Variants in FRAS1 observed in about 807,000 individuals in gnomAD.
The protein encoded by FRAS1 is Fraser extracellular matrix complex subunit 1, also known as extracellular matrix organizing protein FRAS1.
In FRAS1, 290 loss-of-function variants were observed where a neutral mutation model predicts 435.2. The ratio of observed to expected loss-of-function variants is 0.67; its 90% CI spans 0.61 to 0.73. The LOEUF (loss-of-function observed/expected upper bound fraction) is 0.73. FRAS1 is among the 30% of genes least tolerant of loss of function. The pLI is 0.00. For synonymous variants in FRAS1, 1,800 were observed against 1,851.0 expected, an observed-to-expected ratio of 0.97 and a Z score of 0.71; for missense variants, 4,860 against 5,001.5, an observed-to-expected ratio of 0.97 and a Z score of 0.85.
chr4:78,151,145 A>G (rs1395458675), intron 2 of FRAS1, among the ~76,000 whole-genome samples: 1 of 152,176 alleles, frequency 6.6e-6, no homozygotes, highest in African/African-American at 2.4e-5. Context: ...CTAAAGATAT[A>G]CCGTGCTCAC....
rs140035230 is a variant in FRAS1 at position 78,298,154 on chromosome 4, A to G, written c.1535-9912A>G. Among the ~76,000 whole-genome samples the G allele has an allele frequency of 2.4e-4, 36 of 148,466 alleles. 1 individual carries two copies. Among genetic ancestry groups the G allele is most frequent in the African/African-American group, 8.6e-4 (35 of 40,834 alleles). ...GTATATAACATATTATAAGGTGCAT[A>G]TATATATACCTTATATAAAATATAA... On this transcript the variant is annotated intron_variant, in intron 14 of 73. Coordinates refer to ENST00000512123, the MANE Select transcript of FRAS1 (RefSeq NM_025074.7).
At chr4:78,405,526 C>T (rs1733067484) in intron 30 of FRAS1, among the ~76,000 whole-genome samples, 1 of 152,106 alleles carries the variant, frequency 6.6e-6, no homozygotes, top group Admixed American at 6.5e-5. Context: ...TTTGGTATTT[C>T]ATTACCATCC....
intron 61 of FRAS1, among the ~76,000 whole-genome samples, chr4:78,504,694 C>A (rs1317149923): frequency 2.0e-5 from 3 of 152,162 alleles, no homozygotes; most frequent in African/African-American, 4.8e-5. Flanking sequence ...CAGTCTATGT[C>A]TTTTAATTGG....
intron 47 of FRAS1, among the ~76,000 whole-genome samples, chr4:78,453,263 C>T (rs1258128107): frequency 2.0e-5 from 3 of 152,130 alleles, no homozygotes; most frequent in Non-Finnish European, 4.4e-5. Flanking sequence ...AAAAAGGAGG[C>T]AGTGGCAGGG....
intron 2 of FRAS1, among the ~76,000 whole-genome samples, chr4:78,166,066 G>C (rs531712658): frequency 2.0e-5 from 3 of 152,152 alleles, no homozygotes; most frequent in East Asian, 3.9e-4. Flanking sequence ...AGTGCTTTCT[G>C]TTAAACCTGT....
rs1351058543 is a variant in FRAS1, at chr4:78,237,527, G to A, written c.126G>A (p.Lys42=). ...CTTTACAGGATGCCACAATTTGGAA[G>A]CCCGATTCATGCCAGAGCTGCCGTT... is the stretch of plus-strand genomic sequence containing the variant. ...DSLLADATIW[K]PDSCQSCRCH... The change falls in exon 3 of 74, where the codon AAG becomes AAA. Residue 42 remains lysine, a synonymous_variant. Transcript: ENST00000512123. 6.2e-6 allele frequency: 10 copies of A among 1,613,168 alleles called. No homozygotes were observed. Among genetic ancestry groups the A allele is most frequent in the Non-Finnish European group, 8.5e-6 (10 of 1,179,380 alleles).
At chr4:78,098,206 C>T (rs147137228) in intron 2 of FRAS1, among the ~76,000 whole-genome samples, 1 of 151,844 alleles carries the variant, frequency 6.6e-6, no homozygotes, top group African/African-American at 2.4e-5. Flanking sequence ...TCTCCTCCCA[C>T]TGTTTTCTTG....
At chr4:78,501,587 A>G (rs60438529) in intron 61 of FRAS1, among the ~76,000 whole-genome samples, 49,800 of 151,882 alleles carry the variant, frequency 0.33, 8,842 homozygotes, top group South Asian at 0.51. Flanking sequence ...CACCAACAGC[A>G]TAAAAGCGGT....
intron 2 of FRAS1, among the ~76,000 whole-genome samples, chr4:78,136,474 G>A (rs1205798641): frequency 1.3e-5 from 2 of 152,146 alleles, no homozygotes; most frequent in African/African-American, 2.4e-5. Context: ...AGGATCAACT[G>A]TATACTTTTT....
At chr4:78,503,393 C>T (rs1232170077) in intron 61 of FRAS1, among the ~76,000 whole-genome samples, 1 of 152,092 alleles carries the variant, frequency 6.6e-6, no homozygotes, top group Non-Finnish European at 1.5e-5. Flanking sequence ...ATTTCAGAGC[C>T]TGTTATTGGT....
chr4:78,482,300 C>A, intron 57 of FRAS1, 88 bp from the exon 58 acceptor site: 1 of 1,435,852 alleles, frequency 7.0e-7, no homozygotes, highest in Non-Finnish European at 9.7e-7. Flanking sequence ...CCACCAAAGA[C>A]AGGCAAGTTG....
At chr4:78,181,117 G>A in intron 2 of FRAS1, 1 of 1,571,492 alleles carries the variant, frequency 6.4e-7, no homozygotes, top group Non-Finnish European at 8.8e-7. Flanking sequence ...TTTGATTTAT[G>A]AAAACAAATC....
intron 2 of FRAS1, among the ~76,000 whole-genome samples, chr4:78,184,281 G>A (rs955401655): frequency 7.9e-5 from 12 of 152,346 alleles, no homozygotes; most frequent in Middle Eastern, 3.4e-3. Context: ...GGCTAAGCAA[G>A]TCTTTTACTG....
chr4:78,216,198 G>T (rs1723761004), intron 2 of FRAS1, among the ~76,000 whole-genome samples: 1 of 152,310 alleles, frequency 6.6e-6, no homozygotes, highest in East Asian at 1.9e-4. Flanking sequence ...ACAAAAAGTT[G>T]TTCTTTCCCA....
chr4:78,202,423 G>A (rs1383745814), intron 2 of FRAS1, among the ~76,000 whole-genome samples: 6 of 152,204 alleles, frequency 3.9e-5, no homozygotes, highest in African/African-American at 1.4e-4. Flanking sequence ...GGGTGCCATG[G>A]CTCATGCCTG....
At chr4:78,078,442 A>C (rs1740752605) in intron 2 of FRAS1, among the ~76,000 whole-genome samples, 1 of 152,198 alleles carries the variant, frequency 6.6e-6, no homozygotes, top group Non-Finnish European at 1.5e-5. Context: ...TAAGGATAAA[A>C]CCTTGGTAAG....
At chr4:78,476,982 T>C (rs1719870220) in intron 54 of FRAS1, among the ~76,000 whole-genome samples, 1 of 33,942 alleles carries the variant, frequency 2.9e-5, no homozygotes, top group African/African-American at 8.9e-5. Context: ...TTTAATTTCT[T>C]TCTTTTTAAA....
chr4:78,376,756 C>T (rs1156724620), intron 26 of FRAS1, among the ~76,000 whole-genome samples: 10 of 151,980 alleles, frequency 6.6e-5, no homozygotes, highest in South Asian at 2.1e-4. Context: ...ATTGGGAGGC[C>T]GAGGCAGGCA....
At chr4:78,179,226 C>T (rs1043819777) in intron 2 of FRAS1, among the ~76,000 whole-genome samples, 1 of 152,216 alleles carries the variant, frequency 6.6e-6, no homozygotes. Context: ...CCATTGTTCT[C>T]ACCGACTGGA....
Sources: allele counts gnomAD v4.1 joint callset (sites outside exome capture counted in the v4.1 genomes callset), GRCh38; gene constraint gnomAD v4.1.1; transcripts MANE v1.5; gene names NCBI Gene and HGNC (gene_info 2026-07-23, HGNC 2026-07-21).